Variants in SPAG16 observed in about 807,000 individuals in gnomAD.
SPAG16 encodes sperm-associated antigen 16 protein.
In SPAG16, 86 loss-of-function variants were observed where a neutral mutation model predicts 80.4. The ratio of observed to expected loss-of-function variants is 1.07; its 90% CI spans 0.90 to 1.28. The LOEUF (loss-of-function observed/expected upper bound fraction) is 1.28, where lower values mean the gene tolerates loss of function less well. Among genes scored for constraint, SPAG16 ranks in the 50% most tolerant of loss-of-function variants. SPAG16 has a pLI of 0.00. For synonymous variants in SPAG16, 294 were observed against 265.9 expected (o/e 1.11, Z -1.03); for missense variants, 870 against 765.3 (o/e 1.14, Z -1.61).
At chr2:213,460,306 T>A (rs1483078596) in intron 9 of SPAG16, among the ~76,000 whole-genome samples, 1 of 152,350 alleles carries the variant, frequency 6.6e-6, no homozygotes, top group Non-Finnish European at 1.5e-5. Context: ...TACCATTCTC[T>A]GTGTGCAACA....
chr2:214,297,823 C>CT (rs748471904), intron 15 of SPAG16, among the ~76,000 whole-genome samples: 12,945 of 125,894 alleles, frequency 0.1, 1,692 homozygotes, highest in African/African-American at 0.31. Flanking sequence ...CTATTTGGCT[C>CT]TTTTTTTTTT....
chr2:213,581,121 C>G (rs1335406354), intron 10 of SPAG16, among the ~76,000 whole-genome samples: 1 of 152,070 alleles, frequency 6.6e-6, no homozygotes, highest in Admixed American at 6.6e-5. Flanking sequence ...CTCTATAGCT[C>G]TTTTTAGTTA....
At chr2:214,393,188 A>G (rs1005086751) in intron 15 of SPAG16, among the ~76,000 whole-genome samples, 38 of 152,230 alleles carry the variant, frequency 2.5e-4, no homozygotes, top group African/African-American at 8.9e-4. Flanking sequence ...TTTTCTTGAA[A>G]TTAGATTAAA....
At chr2:214,338,591 G>GTTTCTCTCTCTTC (rs1697459678) in intron 15 of SPAG16, among the ~76,000 whole-genome samples, 1 of 152,104 alleles carries the variant, frequency 6.6e-6, no homozygotes, top group South Asian at 2.1e-4. Context: ...TCTATCTTTT[G>GTTTCTCTCTCTTC]TTTCTCTCTC....
chr2:213,678,672 C>T (rs2064224278), intron 10 of SPAG16, among the ~76,000 whole-genome samples: 1 of 152,176 alleles, frequency 6.6e-6, no homozygotes, highest in African/African-American at 2.4e-5. Context: ...CTGTCCTACC[C>T]TCCTACTGCA....
intron 10 of SPAG16, among the ~76,000 whole-genome samples, chr2:213,767,656 C>CACAT (rs775781646): frequency 0.11 from 264 of 2,460 alleles, no homozygotes; most frequent in Middle Eastern, 0.5. Context: ...CAACATACTT[C>CACAT]ACACACACAC....
chr2:214,313,335 A>G (rs2125982190), intron 15 of SPAG16, among the ~76,000 whole-genome samples: 1 of 152,242 alleles, frequency 6.6e-6, no homozygotes. Context: ...ATTACTTTTC[A>G]TTAATTTTAA....
At chr2:213,663,418 T>C (rs1457611743) in intron 10 of SPAG16, among the ~76,000 whole-genome samples, 2 of 152,016 alleles carry the variant, frequency 1.3e-5, no homozygotes, top group African/African-American at 2.4e-5. Context: ...AACAAAAAAG[T>C]AAATTAAATT....
intron 12 of SPAG16, among the ~76,000 whole-genome samples, chr2:213,985,443 GACATTCA>G (rs1267370197): frequency 4.6e-5 from 7 of 152,036 alleles, no homozygotes; most frequent in Non-Finnish European, 1.0e-4. Flanking sequence ...AAACCATTCT[GACATTCA>G]AATACTGACA....
intron 15 of SPAG16, among the ~76,000 whole-genome samples, chr2:214,263,332 T>C (rs1691315403): frequency 6.6e-6 from 1 of 152,182 alleles, no homozygotes; most frequent in Non-Finnish European, 1.5e-5. Context: ...ATTATTTATG[T>C]CTTTACCTGC....
At chr2:213,307,370 A>G (rs978610993) in intron 3 of SPAG16, among the ~76,000 whole-genome samples, 1 of 104,196 alleles carries the variant, frequency 9.6e-6, no homozygotes, top group Non-Finnish European at 1.9e-5. Flanking sequence ...CCCACCCCAC[A>G]ACAGTCCCCA....
chr2:214,323,589 T>C (rs1156575514), intron 15 of SPAG16, among the ~76,000 whole-genome samples: 1 of 152,180 alleles, frequency 6.6e-6, no homozygotes, highest in Non-Finnish European at 1.5e-5. Context: ...ATAGCAGGTG[T>C]AGTACTTAAT....
chr2:213,744,289 A>G (rs1433476852), intron 10 of SPAG16, among the ~76,000 whole-genome samples: 1 of 152,082 alleles, frequency 6.6e-6, no homozygotes, highest in African/African-American at 2.4e-5. Flanking sequence ...GGATACAGTT[A>G]TATAATTGAG....
chr2:214,280,885 C>A, intron 15 of SPAG16: 2 of 426,774 alleles, frequency 4.7e-6, no homozygotes, highest in South Asian at 2.0e-5. Context: ...TCATCTTCCT[C>A]TACTTAGTAG....
rs866775628 is a variant in SPAG16 at position 213,398,538 on chromosome 2, G to A, written c.942+23419G>A. On this transcript the variant is annotated intron_variant, in intron 9 of 15. Transcript: ENST00000331683. ...CCCACCTTGAGGCTCTTGCACTTGA[G>A]TTTTTATCTTCTGTCTGTGTTATTT... Among the ~76,000 whole-genome samples the A allele has an allele frequency of 3.3e-5, 5 of 152,224 alleles. No individual in the cohort carries two copies. In the Middle Eastern group the frequency reaches 0.01, roughly 311 times the overall value.
intron 10 of SPAG16, among the ~76,000 whole-genome samples, chr2:213,590,084 G>C (rs1309515971): frequency 6.6e-6 from 1 of 151,898 alleles, no homozygotes; most frequent in African/African-American, 2.4e-5. Context: ...CAACCAACTT[G>C]GCAGTCAAAA....
At chr2:213,951,226 T>A (rs2079760840) in intron 12 of SPAG16, among the ~76,000 whole-genome samples, 1 of 152,030 alleles carries the variant, frequency 6.6e-6, no homozygotes, top group Non-Finnish European at 1.5e-5. Context: ...TTGAGGAAAA[T>A]TTTAGGAAGT....
chr2:214,407,645 T>C (rs907981450), intron 15 of SPAG16, among the ~76,000 whole-genome samples: 24 of 152,234 alleles, frequency 1.6e-4, no homozygotes, highest in African/African-American at 5.3e-4. Flanking sequence ...ATAAACACTT[T>C]CTCTATAAAT....
intron 10 of SPAG16, among the ~76,000 whole-genome samples, chr2:213,850,994 T>G (rs1249531965): frequency 6.6e-6 from 1 of 152,194 alleles, no homozygotes; most frequent in Admixed American, 6.5e-5. Context: ...ATAATTAATT[T>G]AATCACAGTT....
Sources: allele counts gnomAD v4.1 joint callset (sites outside exome capture counted in the v4.1 genomes callset), GRCh38; gene constraint gnomAD v4.1.1; transcripts MANE v1.5; gene names NCBI Gene and HGNC (gene_info 2026-07-23, HGNC 2026-07-21).